The following GPR146 variants were observed in gnomAD, a reference collection of about 807,000 sequenced individuals.
GPR146 encodes the protein G protein-coupled receptor 146, also known as G-protein coupled receptor 146.
For synonymous variants in GPR146, 203 were observed against 104.3 expected (o/e 1.95, Z -5.77); for missense variants, 381 against 213.9 (o/e 1.78, Z -4.87).
chr7:1,055,215 G>T, intron 1 of GPR146: 1 of 470,618 alleles, frequency 2.1e-6, no homozygotes, highest in Non-Finnish European at 4.4e-6. Flanking sequence ...GCTGTAAACA[G>T]CAGGAGGGAG....
At chr7:1,049,965 CAAG>C (rs1182750110) in intron 1 of GPR146, among the ~76,000 whole-genome samples, 2 of 152,160 alleles carry the variant, frequency 1.3e-5, no homozygotes, top group Non-Finnish European at 2.9e-5. Flanking sequence ...CCCACCCCAA[CAAG>C]GAGAGCTGCC....
intron 1 of GPR146, chr7:1,056,688 C>A (rs542555208): frequency 5.8e-4 from 89 of 152,398 alleles, no homozygotes; most frequent in African/African-American, 2.1e-3. Flanking sequence ...CTCCCGCAGC[C>A]GGCCTCCTCA....
intron 1 of GPR146, among the ~76,000 whole-genome samples, chr7:1,057,185 G>A (rs1464859212): frequency 2.0e-5 from 3 of 152,114 alleles, no homozygotes; most frequent in East Asian, 1.9e-4. Context: ...AACTCAGGAC[G>A]ACCACCCAGG....
intron 1 of GPR146, among the ~76,000 whole-genome samples, chr7:1,055,047 C>T (rs934060239): frequency 1.3e-5 from 2 of 152,232 alleles, no homozygotes; most frequent in Admixed American, 6.5e-5. Flanking sequence ...TGCCCCCAGG[C>T]TCTCGGTGGG....
At chr7:1,049,451 C>A (rs78573577) in intron 1 of GPR146, among the ~76,000 whole-genome samples, 16,258 of 152,296 alleles carry the variant, frequency 0.11, 1,154 homozygotes, top group Middle Eastern at 0.2. Context: ...AGGATGTCAC[C>A]TGCCTGCAAA....
chr7:1,048,069 T>C (rs1782746425), intron 1 of GPR146, among the ~76,000 whole-genome samples: 1 of 151,944 alleles, frequency 6.6e-6, no homozygotes, highest in Non-Finnish European at 1.5e-5. Flanking sequence ...GTGGAGACAG[T>C]GGTCAGGGGT....
intron 1 of GPR146, among the ~76,000 whole-genome samples, chr7:1,055,018 G>A (rs1402971595): frequency 1.3e-5 from 2 of 152,062 alleles, no homozygotes; most frequent in African/African-American, 4.8e-5. Context: ...CATGGACCTG[G>A]ACACGTGTCT....
At chr7:1,054,255 G>A (rs1282337054) in intron 1 of GPR146, among the ~76,000 whole-genome samples, 3 of 152,248 alleles carry the variant, frequency 2.0e-5, no homozygotes, top group African/African-American at 7.2e-5. Flanking sequence ...GGAGAGTGAA[G>A]GAAAACAGGT....
rs748931572 is a variant in GPR146 at position 1,058,136 on chromosome 7, G to C, written c.621G>C (p.Leu207=). Residue 207 remains leucine, a synonymous_variant, in exon 2 of 2, where the codon CTG becomes CTC. Transcript: ENST00000444847. The part of the protein sequence containing the change: ...VVPALATLYA[L]VLLSRVRRED... ...CAGCACTGGCCACCCTCTACGCGCT[G>C]GTGCTACTCTCCCGCGTCCGCAGGG... 5 of 749,954 alleles carry C rather than the reference G, an allele frequency of 6.7e-6. No homozygotes were observed. The highest frequency in any genetic ancestry group is 1.2e-5 in the Non-Finnish European group (5 of 408,730). 46.5% of individuals were successfully genotyped at this position (749,954 alleles called of 1,614,324 possible).
chr7:1,056,980 C>T (rs899482355), intron 1 of GPR146, among the ~76,000 whole-genome samples: 4 of 152,104 alleles, frequency 2.6e-5, no homozygotes, highest in South Asian at 2.1e-4. Flanking sequence ...CTGTGGGCTG[C>T]GACCCACAGG....
intron 1 of GPR146, among the ~76,000 whole-genome samples, chr7:1,049,818 G>C (rs1384832687): frequency 2.6e-5 from 4 of 152,230 alleles, no homozygotes; most frequent in African/African-American, 4.8e-5. Context: ...GGGCACCACT[G>C]TACTGGGTTC....
rs913828542 is a variant in GPR146 at position 1,058,310 on chromosome 7, C to G, written c.795C>G (p.Pro265=). The G allele has an allele frequency of 1.3e-6, 1 of 775,762 alleles. No homozygotes were observed. The allele number at this position is 775,762 out of a possible 1,614,324, so 48.1% of individuals were successfully genotyped here. A position where few individuals can be genotyped will look rare whatever the true frequency, so the allele number is the denominator to read the frequency against. Residue 265 remains proline, a synonymous_variant, in exon 2 of 2, where the codon CCC becomes CCG. Coordinates refer to ENST00000444847, the MANE Select transcript of GPR146 (RefSeq NM_001303473.2). ...GHTVIISRGK[P]VDAHYLGLLH... is the part of the protein sequence containing the mutation. Reference sequence around the variant, plus strand: ...CGGTCATCATCTCGCGAGGGAAGCCCGTGGACGCACACTACCTGGGGCTAC... The same window carrying G: ...CGGTCATCATCTCGCGAGGGAAGCCGGTGGACGCACACTACCTGGGGCTAC...
chr7:1,048,735 G>A (rs1782815919), intron 1 of GPR146, among the ~76,000 whole-genome samples: 1 of 152,138 alleles, frequency 6.6e-6, no homozygotes, highest in Admixed American at 6.5e-5. Context: ...AGCCTGACGG[G>A]GTCCTGTCGC....
chr7:1,051,090 C>G (rs1226504374), intron 1 of GPR146, among the ~76,000 whole-genome samples: 4 of 152,224 alleles, frequency 2.6e-5, no homozygotes, highest in Non-Finnish European at 4.4e-5. Context: ...CAGAGGGCAC[C>G]AGCACACCCG....
chr7:1,048,023 G>A (rs993863645), intron 1 of GPR146, among the ~76,000 whole-genome samples: 4 of 115,500 alleles, frequency 3.5e-5, no homozygotes, highest in South Asian at 2.6e-4. Flanking sequence ...ATGGATGTGC[G>A]GACAGGCTTA....
In GPR146 at chr7:1,058,757, A is replaced by G. The variant is rs78701360; in HGVS notation, c.*240A>G. 7.3e-3 allele frequency: 4,077 copies of G among 556,618 alleles called. 123 individuals are homozygous for G. Among genetic ancestry groups the G allele is most frequent in the African/African-American group, 0.067 (3,559 of 53,180 alleles). 34.5% of individuals were successfully genotyped at this position (556,618 alleles called of 1,614,324 possible). A position where few individuals can be genotyped will look rare whatever the true frequency, so the allele number is the denominator to read the frequency against. On this transcript the variant is annotated 3_prime_UTR_variant, in exon 2 of 2. Transcript: ENST00000444847. ...GTGCGTCTCCCAAACACGCAGCTCA[A>G]GGTCCACATCCGCAAAAGCCTCCTC...
At chr7:1,057,412 G>C in intron 1 of GPR146, 80 bp from the exon 2 acceptor site, 1 of 614,448 alleles carries the variant, frequency 1.6e-6, no homozygotes, top group Non-Finnish European at 2.9e-6. Context: ...CCAGGAGAAG[G>C]CACCCCTGTA....
chr7:1,056,624 T>G (rs1783803304), intron 1 of GPR146: 1 of 152,596 alleles, frequency 6.6e-6, no homozygotes, highest in Admixed American at 6.5e-5. Flanking sequence ...GCTGTGGCCC[T>G]GTGTGTGGTG....
At position 1,048,302 on chromosome 7, in the gene GPR146, G is replaced by A. The variant is rs79978525; in HGVS notation, c.-25+3644G>A. ...TAAGCAACAGAGGAAAGAACTTCCC[G>A]ACTAACAGGGACAGCAACATCAAAA... On this transcript the variant is annotated intron_variant, in intron 1 of 1. Coordinates refer to ENST00000444847, the MANE Select transcript of GPR146 (RefSeq NM_001303473.2). Among the ~76,000 whole-genome samples, 3 of 152,072 alleles carry A rather than the reference G, an allele frequency of 2.0e-5. No individual in the cohort carries two copies. The East Asian group carries it at 5.8e-4, about 29-fold the overall frequency.
Sources: gnomAD v4.1 joint callset for allele counts (sites outside exome capture counted in the v4.1 genomes callset) on GRCh38, gnomAD v4.1.1 for gene constraint, MANE v1.5 for transcripts, NCBI Gene and HGNC (gene_info 2026-07-23, HGNC 2026-07-21) for gene names.